The following SLC35G2 variants were observed in gnomAD, a reference collection of about 807,000 sequenced individuals.
SLC35G2 encodes transmembrane protein 22.
In SLC35G2, 20 loss-of-function variants were observed where a neutral mutation model predicts 27.2. That is an observed-to-expected ratio of 0.74 (90% confidence interval 0.52 to 1.07). The LOEUF is 1.07. SLC35G2 is among the 50% of genes least tolerant of loss of function. SLC35G2 has a pLI of 0.00. For missense variants in SLC35G2, 416 were observed against 493.3 expected, an observed-to-expected ratio of 0.84 and a Z score of 1.48; for synonymous variants, 148 against 165.3, an observed-to-expected ratio of 0.90 and a Z score of 0.80.
intron 1 of SLC35G2, among the ~76,000 whole-genome samples, chr3:136,849,234 T>C (rs1218597974): frequency 1.3e-5 from 2 of 151,952 alleles, no homozygotes; most frequent in South Asian, 2.1e-4. Flanking sequence ...TCTGCACATG[T>C]ACTCCCTGAA....
chr3:136,854,487 T>A lies in SLC35G2; in HGVS notation c.27T>A (p.Tyr9Ter). ...TGGATACTTCTCCCTCCAGAAAATA[T>A]CCAGTTAAAAAACGGGTGAAAATAC... The part of the protein sequence containing the change: MDTSPSRK[Y>*]PVKKRVKIHP... Residue 9 changes from tyrosine to a stop codon, truncating the protein, a stop_gained, in exon 2 of 2, where the codon TAT becomes TAA. Coordinates refer to ENST00000446465, the MANE Select transcript of SLC35G2 (RefSeq NM_025246.3). LOFTEE classifies it high-confidence loss of function. The A allele has an allele frequency of 6.3e-7, 1 of 1,580,948 alleles. No homozygotes were observed. Among genetic ancestry groups the A allele is most frequent in the Non-Finnish European group, 8.6e-7 (1 of 1,163,610 alleles).
intron 1 of SLC35G2, among the ~76,000 whole-genome samples, chr3:136,821,426 C>T (rs1936453150): frequency 6.6e-6 from 1 of 151,992 alleles, no homozygotes; most frequent in Admixed American, 6.6e-5. Flanking sequence ...GAATATGTAA[C>T]ATGAGATCTA....
chr3:136,819,360 T>C lies in SLC35G2; in HGVS notation c.-287T>C, dbSNP rs1472018500. On this transcript the variant is annotated 5_prime_UTR_variant, in exon 1 of 2. Transcript: ENST00000446465. ...ACACCTAAGGGGCACAACAGTCTTTTTGGGTAAGGGCCGGGCTGGGGGCGA... is the reference window on the plus strand; with the variant it reads ...ACACCTAAGGGGCACAACAGTCTTTCTGGGTAAGGGCCGGGCTGGGGGCGA... 2 of 152,386 alleles carry C rather than the reference T, an allele frequency of 1.3e-5. No homozygotes were observed. The highest frequency in any genetic ancestry group is 2.1e-4 in the South Asian group (1 of 4,836). 9.4% of individuals were successfully genotyped at this position (152,386 alleles called of 1,614,324 possible).
intron 1 of SLC35G2, among the ~76,000 whole-genome samples, chr3:136,827,271 G>T (rs889410201): frequency 6.6e-6 from 1 of 151,530 alleles, no homozygotes; most frequent in African/African-American, 2.4e-5. Context: ...GGAGCACAGG[G>T]ACATGATTAT....
intron 1 of SLC35G2, among the ~76,000 whole-genome samples, chr3:136,832,634 CAT>C (rs1038746341): frequency 2.8e-4 from 43 of 152,286 alleles, no homozygotes; most frequent in African/African-American, 9.6e-4. Flanking sequence ...CATAGGCACT[CAT>C]AAATACTGAC....
chr3:136,854,301 C>A, intron 1 of SLC35G2, 142 bp from the exon 2 acceptor site: 1 of 594,058 alleles, frequency 1.7e-6, no homozygotes, highest in Non-Finnish European at 2.9e-6. Context: ...AGGCATATTG[C>A]CAGATCATCT....
chr3:136,855,310 A>G lies in SLC35G2; in HGVS notation c.850A>G (p.Met284Val). 6.2e-7 allele frequency: 1 copy of G among 1,614,222 alleles called. No homozygotes were observed. ...VYRSIKEKIS[M>V]WTALFTFGWT... The stretch of plus-strand genomic sequence containing the variant: ...CAGATCCATCAAGGAGAAGATCAGC[A>G]TGTGGACTGCACTGTTTACTTTTGG... Residue 284 changes from methionine (M) to valine (V), a missense_variant, in exon 2 of 2, where the codon ATG becomes GTG. Transcript: ENST00000446465.
Position 136,855,756 on chromosome 3 carries a change from A to G in SLC35G2, c.*57A>G. ...AGTTATTATGTATACTGCCATTTTAATGTTTACCTATGAATGTCTTTTGTG... is the reference window on the plus strand; with the variant it reads ...AGTTATTATGTATACTGCCATTTTAGTGTTTACCTATGAATGTCTTTTGTG... On this transcript the variant is annotated 3_prime_UTR_variant, in exon 2 of 2. Transcript: ENST00000446465. 7.7e-7 allele frequency: 1 copy of G among 1,305,654 alleles called. No individual in the cohort carries two copies. The highest frequency in any genetic ancestry group is 1.2e-5 in the South Asian group (1 of 81,724). 80.9% of individuals were successfully genotyped at this position (1,305,654 alleles called of 1,614,324 possible).
intron 1 of SLC35G2, among the ~76,000 whole-genome samples, chr3:136,845,755 C>G (rs1560017346): frequency 6.6e-6 from 1 of 151,990 alleles, no homozygotes; most frequent in Non-Finnish European, 1.5e-5. Flanking sequence ...GCCATCACGT[C>G]TAGCTAATTT....
chr3:136,833,794 G>GTTCATGCA (rs1936795624), intron 1 of SLC35G2, among the ~76,000 whole-genome samples: 1 of 152,114 alleles, frequency 6.6e-6, no homozygotes, highest in Non-Finnish European at 1.5e-5. Context: ...CATGCACTGA[G>GTTCATGCA]GGTTGGGCAC....
chr3:136,846,854 G>A (rs1172134738), intron 1 of SLC35G2, among the ~76,000 whole-genome samples: 1 of 152,162 alleles, frequency 6.6e-6, no homozygotes, highest in Non-Finnish European at 1.5e-5. Flanking sequence ...AAATTTCTGA[G>A]TCTTAAATTT....
chr3:136,821,460 T>G (rs1458668892), intron 1 of SLC35G2, among the ~76,000 whole-genome samples: 27 of 152,200 alleles, frequency 1.8e-4, no homozygotes, highest in Non-Finnish European at 3.5e-4. Flanking sequence ...AAAAAAATTT[T>G]TTTTTGAGAC....
intron 1 of SLC35G2, among the ~76,000 whole-genome samples, chr3:136,831,335 G>A (rs933014255): frequency 6.6e-6 from 1 of 152,210 alleles, no homozygotes; most frequent in Non-Finnish European, 1.5e-5. Flanking sequence ...TGGTTAAGAA[G>A]GTGACTTTCT....
Position 136,819,129 on chromosome 3 carries a change from C to A in SLC35G2, c.-518C>A, listed in dbSNP as rs537821215. 2.0e-5 allele frequency: 3 copies of A among 152,224 alleles called. No individual in the cohort carries two copies. Among genetic ancestry groups the A allele is most frequent in the South Asian group, 2.1e-4 (1 of 4,838 alleles). The allele number at this position is 152,224 out of a possible 1,614,324, so 9.4% of individuals were successfully genotyped here. A position where few individuals can be genotyped will look rare whatever the true frequency, so the allele number is the denominator to read the frequency against. On this transcript the variant is annotated 5_prime_UTR_variant, in exon 1 of 2. Transcript: ENST00000446465. Reference sequence around the variant, plus strand: ...GGCGCCCCTCTCCCTCCGCAGTACTCCGGGCAGCGCCCGCCTCGATTTTCC... The same window carrying A: ...GGCGCCCCTCTCCCTCCGCAGTACTACGGGCAGCGCCCGCCTCGATTTTCC...
intron 1 of SLC35G2, chr3:136,838,285 A>G (rs1936948662): frequency 8.5e-6 from 1 of 118,116 alleles, no homozygotes; most frequent in Non-Finnish European, 1.9e-5. Context: ...ATATATATAA[A>G]TGCACACACA....
chr3:136,852,249 C>A (rs1327560047), intron 1 of SLC35G2, among the ~76,000 whole-genome samples: 4 of 152,064 alleles, frequency 2.6e-5, no homozygotes, highest in Admixed American at 2.6e-4. Context: ...AATGGGACAT[C>A]CAGGCTAGGA....
chr3:136,840,068 C>T (rs542033298), intron 1 of SLC35G2, among the ~76,000 whole-genome samples: 1 of 152,346 alleles, frequency 6.6e-6, no homozygotes, highest in Non-Finnish European at 1.5e-5. Flanking sequence ...ATTGCCCACT[C>T]TGGAATCCAG....
chr3:136,820,579 A>G (rs1447725410), intron 1 of SLC35G2: 1 of 152,246 alleles, frequency 6.6e-6, no homozygotes, highest in Non-Finnish European at 1.5e-5. Flanking sequence ...GAGCGTAAAC[A>G]GGAATTCTCA....
intron 1 of SLC35G2, among the ~76,000 whole-genome samples, chr3:136,822,151 T>C (rs903827840): frequency 1.3e-5 from 2 of 152,168 alleles, no homozygotes; most frequent in African/African-American, 2.4e-5. Flanking sequence ...AAATGTACCA[T>C]TAAATTATTA....
Sources: gnomAD v4.1 joint callset for allele counts (sites outside exome capture counted in the v4.1 genomes callset) on GRCh38, gnomAD v4.1.1 for gene constraint, MANE v1.5 for transcripts, NCBI Gene and HGNC (gene_info 2026-07-23, HGNC 2026-07-21) for gene names.